The following PCDHGB4 variants were observed in gnomAD, a reference collection of about 807,000 sequenced individuals.
The protein encoded by PCDHGB4 is protocadherin gamma-B4.
In PCDHGB4, 38 loss-of-function variants were observed where a neutral mutation model predicts 60.5. The observed-to-expected ratio is 0.63, with a 90% CI of 0.48 to 0.82. The LOEUF is 0.82. Ranked by LOEUF, PCDHGB4 falls within the 40% of genes least tolerant of loss-of-function variation. The probability of loss-of-function intolerance (pLI) is 0.00; values close to 1 mark genes in which losing one functional copy is unlikely to be tolerated. For missense variants in PCDHGB4, 1,109 were observed against 1,209.6 expected (o/e 0.92, Z 1.23); for synonymous variants, 456 against 509.7 (o/e 0.89, Z 1.42).
intron 1 of PCDHGB4, chr5:141,415,176 C>T: frequency 6.2e-7 from 1 of 1,613,934 alleles, no homozygotes; most frequent in Non-Finnish European, 8.5e-7. Context: ...TCACCGTGGC[C>T]GTGGCCGACA....
intron 1 of PCDHGB4, chr5:141,410,157 C>T: frequency 6.2e-7 from 1 of 1,613,546 alleles, no homozygotes; most frequent in Non-Finnish European, 8.5e-7. Context: ...GGTGGACAGC[C>T]GCCACTCTCT....
rs1157645386 is a variant in PCDHGB4 at position 141,477,622 on chromosome 5, A to C, written c.2398-17185A>C. On this transcript the variant is annotated intron_variant, in intron 1 of 3. Coordinates refer to ENST00000519479, the MANE Select transcript of PCDHGB4 (RefSeq NM_003736.4). This position sits in a 1 kb window ranked among gnomAD's most constrained non-coding sequence, Gnocchi z 4.9. ...TCTTTCTCTTGGAGCAAGGAGCTGA[A>C]ACCGGGCTAGTGGGTCGCTATTTCA... 1 of 1,614,108 alleles carries C rather than the reference A, an allele frequency of 6.2e-7. No homozygotes were observed. The highest frequency in any genetic ancestry group is 2.2e-5 in the East Asian group (1 of 44,904).
chr5:141,430,477 A>G (rs1329218924), intron 1 of PCDHGB4: 1 of 244,524 alleles, frequency 4.1e-6, no homozygotes, highest in Non-Finnish European at 7.7e-6. Context: ...TATTTAAGAT[A>G]TAAAAACGAA....
chr5:141,452,710 G>GAAGT (rs1343622540), intron 1 of PCDHGB4, among the ~76,000 whole-genome samples: 1 of 151,996 alleles, frequency 6.6e-6, no homozygotes, highest in Non-Finnish European at 1.5e-5. Flanking sequence ...AGAAAGGAAG[G>GAAGT]AATGAGGGAG....
intron 1 of PCDHGB4, chr5:141,391,383 G>T (rs1344096934): frequency 3.3e-5 from 5 of 150,356 alleles, no homozygotes; most frequent in African/African-American, 9.8e-5. Context: ...CACAATGATA[G>T]CTCCCTCCAG....
rs144789830 is a variant in PCDHGB4 at position 141,503,198 on chromosome 5, C to T, written c.2457-2195C>T. Among the ~76,000 whole-genome samples the T allele has an allele frequency of 3.7e-3, 561 of 152,172 alleles. 5 individuals carry two copies. Among genetic ancestry groups the T allele is most frequent in the Admixed American group, 0.011 (164 of 15,268 alleles). ...TATTGTGTAATTATTTAAAATCAGC[C>T]TCTCAGTGCCCACCATGAGCACCGT... On this transcript the variant is annotated intron_variant, in intron 2 of 3. Coordinates refer to ENST00000519479, the MANE Select transcript of PCDHGB4 (RefSeq NM_003736.4).
In PCDHGB4 at chr5:141,399,542, C is replaced by T. The variant is rs761214012; in HGVS notation, c.2397+9261C>T. The T allele has an allele frequency of 5.6e-6, 9 of 1,614,046 alleles. No homozygotes were observed. The South Asian group carries it at 8.8e-5, about 16-fold the overall frequency. On this transcript the variant is annotated intron_variant, in intron 1 of 3. Transcript: ENST00000519479. ...GGGGCCTCCATCGCGCAAGTCTGCGCCTCGGACCTGGACTTGGGGTTGAAC... is the reference window on the plus strand; with the variant it reads ...GGGGCCTCCATCGCGCAAGTCTGCGTCTCGGACCTGGACTTGGGGTTGAAC...
At chr5:141,418,484 C>T (rs771278923) in intron 1 of PCDHGB4, 1 of 1,613,878 alleles carries the variant, frequency 6.2e-7, no homozygotes, top group East Asian at 2.2e-5. Flanking sequence ...GAGCGCTCAC[C>T]ACTTGGTACT....
chr5:141,487,671 G>A lies in PCDHGB4; in HGVS notation c.2398-7136G>A. The A allele has an allele frequency of 6.2e-7, 1 of 1,612,012 alleles. No homozygotes were observed. The highest frequency in any genetic ancestry group is 8.5e-7 in the Non-Finnish European group (1 of 1,178,932). ...GAGGGTTATTCTGATCCAGGCATAT[G>A]GCTAGGCCATGTCCTAGAGAGTACT... On this transcript the variant is annotated intron_variant, in intron 1 of 3. Transcript: ENST00000519479. This position sits in a 1 kb window ranked among gnomAD's most constrained non-coding sequence, Gnocchi z 5.0.
In PCDHGB4 at chr5:141,485,609, G is replaced by A. The variant is rs1432367043; in HGVS notation, c.2398-9198G>A. The A allele has an allele frequency of 6.2e-7, 1 of 1,612,252 alleles. No homozygotes were observed. Among genetic ancestry groups the A allele is most frequent in the Non-Finnish European group, 8.5e-7 (1 of 1,178,656 alleles). On this transcript the variant is annotated intron_variant, in intron 1 of 3. Transcript: ENST00000519479. This position sits in a 1 kb window ranked among gnomAD's most constrained non-coding sequence, Gnocchi z 5.7. ...GCTGGACTTGGAAATTGGGGAGGCA[G>A]CTCCTCCAGGACAGCGTTTCCCGTT...
chr5:141,477,037 G>A lies in PCDHGB4; in HGVS notation c.2398-17770G>A. ...TTGTAACCGGGATGCTGACAATCAAGGGTCGGCTGGACTTCGAGGACACCA... is the reference window on the plus strand; with the variant it reads ...TTGTAACCGGGATGCTGACAATCAAAGGTCGGCTGGACTTCGAGGACACCA... On this transcript the variant is annotated intron_variant, in intron 1 of 3. Coordinates refer to ENST00000519479, the MANE Select transcript of PCDHGB4 (RefSeq NM_003736.4). This position sits in a 1 kb window ranked among gnomAD's most constrained non-coding sequence, Gnocchi z 4.9. 6.2e-7 allele frequency: 1 copy of A among 1,614,266 alleles called. No individual in the cohort carries two copies. The highest frequency in any genetic ancestry group is 8.5e-7 in the Non-Finnish European group (1 of 1,180,052).
At chr5:141,494,759 C>G (rs776923097) in intron 1 of PCDHGB4, 48 bp from the exon 2 acceptor site, 2 of 1,613,886 alleles carry the variant, frequency 1.2e-6, no homozygotes, top group Middle Eastern at 1.6e-4. Flanking sequence ...GGGTGACATT[C>G]TAACTTCTCA....
chr5:141,511,328 A>G lies in PCDHGB4; in HGVS notation c.*155A>G. On this transcript the variant is annotated 3_prime_UTR_variant, in exon 4 of 4. Transcript: ENST00000519479. Reference sequence around the variant, plus strand: ...CCTTGGGAAACAGAAACAAGTGCCCAGTCAGCACCTACCCCTTCCCCCCCA... The same window carrying G: ...CCTTGGGAAACAGAAACAAGTGCCCGGTCAGCACCTACCCCTTCCCCCCCA... The G allele has an allele frequency of 6.9e-7, 1 of 1,456,862 alleles. No individual in the cohort carries two copies. Among genetic ancestry groups the G allele is most frequent in the Non-Finnish European group, 9.1e-7 (1 of 1,093,622 alleles). 90.2% of individuals were successfully genotyped at this position (1,456,862 alleles called of 1,614,324 possible).
chr5:141,489,467 C>G lies in PCDHGB4; in HGVS notation c.2398-5340C>G. 1 of 1,614,076 alleles carries G rather than the reference C, an allele frequency of 6.2e-7. No individual in the cohort carries two copies. The highest frequency in any genetic ancestry group is 8.5e-7 in the Non-Finnish European group (1 of 1,180,026). Reference sequence around the variant, plus strand: ...TCTGAGGAGAATGGGCGCTATTTTTCCCTGAGCTTGATGAGTGGTGCCCTG... The same window carrying G: ...TCTGAGGAGAATGGGCGCTATTTTTGCCTGAGCTTGATGAGTGGTGCCCTG... On this transcript the variant is annotated intron_variant, in intron 1 of 3. Transcript: ENST00000519479. The surrounding 1 kb of genome is among the most constrained non-coding windows in gnomAD (Gnocchi z 4.5).
Position 141,502,395 on chromosome 5 carries a change from G to A in PCDHGB4, c.2457-2998G>A, listed in dbSNP as rs115188718. The stretch of plus-strand genomic sequence containing the variant: ...GTCCAGGCCAGTTGTACTTTAAAAT[G>A]TCCCCGAACCTGGATTTGCTGGCTA... On this transcript the variant is annotated intron_variant, in intron 2 of 3. Transcript: ENST00000519479. Among the ~76,000 whole-genome samples, 610 of 151,894 alleles carry A rather than the reference G, an allele frequency of 4.0e-3. 3 individuals carry two copies. Among genetic ancestry groups the A allele is most frequent in the African/African-American group, 0.013 (553 of 41,410 alleles).
At chr5:141,408,111 C>A (rs1477598232) in intron 1 of PCDHGB4, 7 of 1,455,108 alleles carry the variant, frequency 4.8e-6, no homozygotes, top group African/African-American at 4.3e-5. Context: ...ACCCGGGACT[C>A]CTCCTGTCCT....
intron 1 of PCDHGB4, among the ~76,000 whole-genome samples, chr5:141,451,032 A>G: frequency 6.6e-6 from 1 of 150,486 alleles, no homozygotes; most frequent in Non-Finnish European, 1.5e-5. Context: ...GTTTCACCAT[A>G]TTGGCCAGGC....
intron 1 of PCDHGB4, chr5:141,421,396 C>T: frequency 2.5e-6 from 4 of 1,614,036 alleles, no homozygotes; most frequent in South Asian, 1.1e-5. Context: ...GGGGCTGGAG[C>T]CCCGGGAGCT....
intron 2 of PCDHGB4, among the ~76,000 whole-genome samples, chr5:141,496,500 C>T (rs1350421492): frequency 6.6e-6 from 1 of 152,162 alleles, no homozygotes; most frequent in Non-Finnish European, 1.5e-5. Flanking sequence ...ACCCTTGTTG[C>T]CACAAGGACC....
Sources: allele counts gnomAD v4.1 joint callset (sites outside exome capture counted in the v4.1 genomes callset), GRCh38; gene constraint gnomAD v4.1.1; non-coding constraint Gnocchi (gnomAD v3.1); transcripts MANE v1.5; gene names NCBI Gene and HGNC (gene_info 2026-07-23, HGNC 2026-07-21).